The following GRHL3 variants were observed in gnomAD, a reference collection of about 807,000 sequenced individuals.
GRHL3 encodes grainyhead like transcription factor 3.
Under a neutral mutation model 70.3 loss-of-function variants are expected in GRHL3, and 20 were observed. The ratio of observed to expected loss-of-function variants is 0.28; its 90% CI spans 0.20 to 0.41. The LOEUF is 0.41. GRHL3 is among the 10% of genes least tolerant of loss of function. GRHL3 has a pLI of 1.00. For synonymous variants in GRHL3, 299 were observed against 299.9 expected (o/e 1.00, Z 0.03); for missense variants, 637 against 762.3 (o/e 0.84, Z 1.94).
chr1:24,354,780 C>G lies in GRHL3; in HGVS notation c.*292C>G, dbSNP rs1045424887. ...TTACCACCTACCCAGAAGACTGTTC[C>G]CTCCTCCCAAGACCCTTGTCTGCAG... On this transcript the variant is annotated 3_prime_UTR_variant, in exon 16 of 16. Coordinates refer to ENST00000361548, the MANE Select transcript of GRHL3 (RefSeq NM_198173.3). 11 of 288,574 alleles carry G rather than the reference C, an allele frequency of 3.8e-5. No homozygotes were observed. The highest frequency in any genetic ancestry group is 2.2e-4 in the South Asian group (5 of 22,472). The allele number at this position is 288,574 out of a possible 1,614,324, so 17.9% of individuals were successfully genotyped here. A position where few individuals can be genotyped will look rare whatever the true frequency, so the allele number is the denominator to read the frequency against.
Position 24,342,769 on chromosome 1 carries a change from A to C in GRHL3, c.1282A>C (p.Ser428Arg). ...GGTCAAGTGCCCTGACTCCAGCAAC[A>C]GTGGTCAGTGGGGATCCAGGGCCTG... ...RKVKCPDSSN[S>R]GVKGCLLSGF... Residue 428 changes from serine to arginine, a missense_variant, in exon 10 of 16, where the codon AGT becomes CGT. Around this residue, in one of 2 missense-constraint regions of GRHL3, gnomAD observed 387 missense variants for 513.8 expected, o/e 0.75. Coordinates refer to ENST00000361548, the MANE Select transcript of GRHL3 (RefSeq NM_198173.3). This position sits in a 1 kb window ranked among gnomAD's most constrained non-coding sequence, Gnocchi z 4.8. 6.2e-7 allele frequency: 1 copy of C among 1,614,180 alleles called. No homozygotes were observed. The highest frequency in any genetic ancestry group is 8.5e-7 in the Non-Finnish European group (1 of 1,179,996).
intron 7 of GRHL3, among the ~76,000 whole-genome samples, chr1:24,339,018 A>G (rs2148657830): frequency 6.6e-6 from 1 of 152,312 alleles, no homozygotes; most frequent in East Asian, 1.9e-4. Flanking sequence ...TGTTGTTATT[A>G]CCATACTGCT....
In GRHL3 at chr1:24,334,756, T is replaced by C; in HGVS notation, c.266+50T>C. 1.4e-6 allele frequency: 2 copies of C among 1,473,428 alleles called. No individual in the cohort carries two copies. Among genetic ancestry groups the C allele is most frequent in the Non-Finnish European group, 1.9e-6 (2 of 1,061,598 alleles). 91.3% of individuals were successfully genotyped at this position (1,473,428 alleles called of 1,614,324 possible). A position where few individuals can be genotyped will look rare whatever the true frequency, so the allele number is the denominator to read the frequency against. On this transcript the variant is annotated intron_variant, in intron 3 of 15. Coordinates refer to ENST00000361548, the MANE Select transcript of GRHL3 (RefSeq NM_198173.3). This position sits in a 1 kb window ranked among gnomAD's most constrained non-coding sequence, Gnocchi z 4.3. ...CTCTTTGCCCTTCCCCACCTCCACC[T>C]GGAGCCTCTTCCACACAGGTTTGAC...
chr1:24,351,754 C>CT (rs1205626366), intron 15 of GRHL3, among the ~76,000 whole-genome samples: 2 of 152,178 alleles, frequency 1.3e-5, no homozygotes, highest in Non-Finnish European at 2.9e-5. Flanking sequence ...CCCCAGCCAG[C>CT]TATTGAAATC....
At position 24,334,767 on chromosome 1, in the gene GRHL3, C is replaced by A; in HGVS notation, c.266+61C>A. 1 of 1,393,264 alleles carries A rather than the reference C, an allele frequency of 7.2e-7. No individual in the cohort carries two copies. The highest frequency in any genetic ancestry group is 1.0e-6 in the Non-Finnish European group (1 of 991,258). The allele number at this position is 1,393,264 out of a possible 1,614,324, so 86.3% of individuals were successfully genotyped here. ...TCCCCACCTCCACCTGGAGCCTCTT[C>A]CACACAGGTTTGACTTATCCATTAG... On this transcript the variant is annotated intron_variant, in intron 3 of 15. Coordinates refer to ENST00000361548, the MANE Select transcript of GRHL3 (RefSeq NM_198173.3). This position sits in a 1 kb window ranked among gnomAD's most constrained non-coding sequence, Gnocchi z 4.3.
chr1:24,329,668 C>T (rs624557), intron 1 of GRHL3, among the ~76,000 whole-genome samples: 107,664 of 152,108 alleles, frequency 0.71, 38,760 homozygotes, highest in African/African-American at 0.86. Context: ...CACGGCCTAA[C>T]GAACAGAGAA....
chr1:24,362,578 C>A (rs116833624), intron 15 of GRHL3, among the ~76,000 whole-genome samples: 1 of 152,216 alleles, frequency 6.6e-6, no homozygotes, highest in Non-Finnish European at 1.5e-5. Context: ...CCTAGTAGAG[C>A]ACCAGCACAT....
chr1:24,352,129 A>G (rs1313291706), intron 15 of GRHL3, among the ~76,000 whole-genome samples: 1 of 151,838 alleles, frequency 6.6e-6, no homozygotes, highest in Non-Finnish European at 1.5e-5. Flanking sequence ...CACGGCCGTG[A>G]AAACATCAGC....
rs1177786672 is a variant in GRHL3, at chr1:24,334,134, T to C, written c.205-511T>C. Among the ~76,000 whole-genome samples, 2 of 152,132 alleles carry C rather than the reference T, an allele frequency of 1.3e-5. No individual in the cohort carries two copies. Among genetic ancestry groups the C allele is most frequent in the Non-Finnish European group, 2.9e-5 (2 of 68,030 alleles). On this transcript the variant is annotated intron_variant, in intron 2 of 15. Coordinates refer to ENST00000361548, the MANE Select transcript of GRHL3 (RefSeq NM_198173.3). The surrounding 1 kb of genome is among the most constrained non-coding windows in gnomAD (Gnocchi z 4.3). ...CCTGACTTGGGGCTCAGACTAATCA[T>C]AGCTAGAGCTCCAGCCAGTGGGAAG...
At chr1:24,349,947 A>G (rs1640438942) in intron 14 of GRHL3, 111 bp from the exon 15 acceptor site, 1 of 715,582 alleles carries the variant, frequency 1.4e-6, no homozygotes, top group Non-Finnish European at 2.4e-6. Context: ...TGCCCACAAT[A>G]TGCATATGTT....
chr1:24,358,490 G>A (rs779394383), downstream of GRHL3: 48 of 1,445,934 alleles, frequency 3.3e-5, 1 homozygote, highest in East Asian at 7.7e-4. Flanking sequence ...TCCTGGGGAC[G>A]CTGGGCAGGG....
chr1:24,319,615 T>C (rs771342970), intron 1 of GRHL3, 47 bp downstream of exon 1: 2 of 1,613,420 alleles, frequency 1.2e-6, no homozygotes, highest in Non-Finnish European at 1.7e-6. Flanking sequence ...GCGTGGAGGC[T>C]GGATGGGGTT....
intron 1 of GRHL3, among the ~76,000 whole-genome samples, chr1:24,329,352 G>T (rs2148650262): frequency 1.3e-5 from 2 of 152,346 alleles, no homozygotes; most frequent in South Asian, 4.1e-4. Flanking sequence ...CTGGCAGCAG[G>T]AGGGTACTTC....
At chr1:24,327,780 T>A (rs184904295) in intron 1 of GRHL3, among the ~76,000 whole-genome samples, 1 of 152,206 alleles carries the variant, frequency 6.6e-6, no homozygotes, top group Non-Finnish European at 1.5e-5. Context: ...TCTTTTCACA[T>A]TGATCCAGTA....
chr1:24,340,909 C>T (rs1242369345), intron 8 of GRHL3, among the ~76,000 whole-genome samples: 2 of 152,024 alleles, frequency 1.3e-5, no homozygotes, highest in East Asian at 3.9e-4. Context: ...GCCTTTTAAG[C>T]CCCCAGGCTT....
rs754006408 is a variant in GRHL3, at chr1:24,331,548, T to C, written c.140T>C (p.Met47Thr). The C allele has an allele frequency of 7.4e-6, 12 of 1,614,168 alleles. No homozygotes were observed. The East Asian group carries it at 1.6e-4, about 21-fold the overall frequency. Residue 47 changes from methionine (M) to threonine (T), a missense_variant, in exon 2 of 16, where the codon ATG (methionine) becomes ACG (threonine). Coordinates refer to ENST00000361548, the MANE Select transcript of GRHL3 (RefSeq NM_198173.3). ...ENPLTAATKA[M>T]MRVNGDDDSV... The stretch of plus-strand genomic sequence containing the variant: ...CCGTTGACAGCTGCCACAAAGGCCA[T>C]GATGAGAGTCAATGGAGATGATGAC...
chr1:24,331,330 T>C (rs542791035), intron 1 of GRHL3, 96 bp from the exon 2 acceptor site: 1 of 1,154,304 alleles, frequency 8.7e-7, no homozygotes, highest in Admixed American at 2.2e-5. Flanking sequence ...TTTTCAAAGC[T>C]AATAACTCTG....
chr1:24,328,564 A>G (rs1015496033), intron 1 of GRHL3, among the ~76,000 whole-genome samples: 13 of 152,220 alleles, frequency 8.5e-5, no homozygotes, highest in African/African-American at 3.1e-4. Flanking sequence ...TCTAAAATTT[A>G]TCTTTTTTAA....
At chr1:24,328,458 C>G (rs894915720) in intron 1 of GRHL3, among the ~76,000 whole-genome samples, 1 of 152,240 alleles carries the variant, frequency 6.6e-6, no homozygotes, top group Non-Finnish European at 1.5e-5. Context: ...GGGATACCAA[C>G]AAGATAGATT....
Sources: gnomAD v4.1 joint callset for allele counts (sites outside exome capture counted in the v4.1 genomes callset) on GRCh38, gnomAD v4.1.1 for gene constraint, gnomAD v4.1.1 regional missense constraint, Gnocchi (gnomAD v3.1) non-coding constraint, MANE v1.5 for transcripts, NCBI Gene and HGNC (gene_info 2026-07-23, HGNC 2026-07-21) for gene names.